The following IQCH variants were observed in gnomAD, a reference collection of about 807,000 sequenced individuals.
The protein encoded by IQCH is IQ domain-containing protein H.
In IQCH, 98 loss-of-function variants were observed where a neutral mutation model predicts 117.0. That is an observed-to-expected ratio of 0.84 (90% CI 0.71 to 0.99). IQCH has a LOEUF of 0.99. IQCH is among the 50% of genes least tolerant of loss of function. The pLI, the probability that IQCH is intolerant of heterozygous loss-of-function variation, is 0.00. For missense variants in IQCH, 1,102 were observed against 1,243.8 expected (o/e 0.89, Z 1.72); for synonymous variants, 412 against 448.2 (o/e 0.92, Z 1.02).
Position 67,475,063 on chromosome 15 carries a change from G to C in IQCH, c.2677-633G>C, listed in dbSNP as rs1216669920. On this transcript the variant is annotated intron_variant, in intron 17 of 20. Coordinates refer to ENST00000335894, the MANE Select transcript of IQCH (RefSeq NM_001031715.3). This position sits in a 1 kb window ranked among gnomAD's most constrained non-coding sequence, Gnocchi z 5.7. ...AAGTCTGTGAAGCCGTCACAGGCCA[G>C]AGAAGCCTAAGGAGATATGACAGCT... Among the ~76,000 whole-genome samples the C allele has an allele frequency of 6.6e-6, 1 of 152,204 alleles. No homozygotes were observed. The highest frequency in any genetic ancestry group is 1.5e-5 in the Non-Finnish European group (1 of 68,030).
chr15:67,417,013 C>T lies in IQCH; in HGVS notation c.2180C>T (p.Pro727Leu), dbSNP rs762689739. ...HAQPVNEKRF[P>L]TWRKFLQTFL... is the part of the protein sequence containing the mutation. ...CAGCCAGTCAATGAGAAACGGTTCC[C>T]GACGTGGAGGAAATTCCTCCAAACA... The change falls in exon 15 of 21, where the codon CCG becomes CTG. Residue 727 changes from proline (P) to leucine (L), a missense_variant. Coordinates refer to ENST00000335894, the MANE Select transcript of IQCH (RefSeq NM_001031715.3). This position sits in a 1 kb window ranked among gnomAD's most constrained non-coding sequence, Gnocchi z 4.3. 1.4e-5 allele frequency: 22 copies of T among 1,610,278 alleles called. No individual in the cohort carries two copies. Among genetic ancestry groups the T allele is most frequent in the Admixed American group, 6.7e-5 (4 of 59,538 alleles).
chr15:67,457,126 G>A lies in IQCH; in HGVS notation c.2506-8001G>A, dbSNP rs2082676624. 6.6e-6 allele frequency among the ~76,000 whole-genome samples: 1 copy of A among 152,176 alleles called. No individual in the cohort carries two copies. The highest frequency in any genetic ancestry group is 1.5e-5 in the Non-Finnish European group (1 of 68,028). On this transcript the variant is annotated intron_variant, in intron 16 of 20. Transcript: ENST00000335894. This position sits in a 1 kb window ranked among gnomAD's most constrained non-coding sequence, Gnocchi z 5.7. ...GGGCTATCCCAACAGCTGCCACCAG[G>A]TGGCAACAAGCCAAGCGGCTGCTCT... is the stretch of plus-strand genomic sequence containing the variant.
chr15:67,338,225 A>ATCTG (rs958189341), intron 5 of IQCH, among the ~76,000 whole-genome samples: 1 of 140,004 alleles, frequency 7.1e-6, no homozygotes, highest in African/African-American at 2.6e-5. Context: ...CTATCTATCT[A>ATCTG]TCTATCTATC....
chr15:67,419,813 GA>G (rs1404627280), intron 15 of IQCH, among the ~76,000 whole-genome samples: 2 of 152,020 alleles, frequency 1.3e-5, no homozygotes, highest in Non-Finnish European at 2.9e-5. Context: ...GCTTTGAGTG[GA>G]AAAAAAGTAA....
At chr15:67,346,072 G>T (rs1291354740) in intron 6 of IQCH, among the ~76,000 whole-genome samples, 1 of 151,886 alleles carries the variant, frequency 6.6e-6, no homozygotes, top group African/African-American at 2.4e-5. Flanking sequence ...GATGGAAAAA[G>T]ATACCATACA....
intron 6 of IQCH, among the ~76,000 whole-genome samples, chr15:67,350,658 C>G (rs1309067919): frequency 6.6e-6 from 1 of 152,128 alleles, no homozygotes; most frequent in Non-Finnish European, 1.5e-5. Flanking sequence ...AATCTCCTGA[C>G]CTCGTGATCC....
chr15:67,315,365 A>G (rs1043959345), intron 4 of IQCH, among the ~76,000 whole-genome samples: 2 of 152,206 alleles, frequency 1.3e-5, no homozygotes, highest in Non-Finnish European at 2.9e-5. Context: ...TACATTTGCC[A>G]AAAGGATATG....
intron 3 of IQCH, among the ~76,000 whole-genome samples, chr15:67,265,705 G>A (rs968409380): frequency 1.3e-5 from 2 of 152,152 alleles, no homozygotes; most frequent in Non-Finnish European, 2.9e-5. Context: ...ACTATGGCCC[G>A]TGACTGACAT....
rs1971158869 is a variant in IQCH, at chr15:67,387,912, T to G, written c.1457-919T>G. On this transcript the variant is annotated intron_variant, in intron 11 of 20. Transcript: ENST00000335894. The surrounding 1 kb of genome is among the most constrained non-coding windows in gnomAD (Gnocchi z 4.8). ...TTGCCCTGCTTGCCTAAGAAAACGT[T>G]TACAGTGCTCCCTCCTCTGAACTTC... 1.3e-5 allele frequency among the ~76,000 whole-genome samples: 2 copies of G among 152,152 alleles called. No homozygotes were observed. Among genetic ancestry groups the G allele is most frequent in the Non-Finnish European group, 2.9e-5 (2 of 68,024 alleles).
Position 67,372,908 on chromosome 15 carries a change from G to GA in IQCH, c.1305+257dup, listed in dbSNP as rs904472319. 3.3e-3 allele frequency among the ~76,000 whole-genome samples: 463 copies of GA among 139,312 alleles called. 8 individuals carry two copies. The highest frequency in any genetic ancestry group is 0.013 in the East Asian group (63 of 4,802). The allele number at this position is 139,312 out of a possible 152,430, so 91.4% of individuals were successfully genotyped here. On this transcript the variant is annotated intron_variant, in intron 9 of 20. Transcript: ENST00000335894. ...CAAAATCTGTTGCAATTTTTCTATA[G>GA]AAAAAAAAAAAGTCCCTTCACTTTG...
chr15:67,373,558 G>C (rs907087581), intron 10 of IQCH, 125 bp downstream of exon 10: 2 of 732,486 alleles, frequency 2.7e-6, no homozygotes. Context: ...AAATGTTCTC[G>C]ACATGATGAG....
chr15:67,487,600 A>G (rs1026783152), intron 18 of IQCH, among the ~76,000 whole-genome samples: 23 of 152,328 alleles, frequency 1.5e-4, no homozygotes, highest in Admixed American at 4.6e-4. Context: ...TTGGGCTCCA[A>G]TATGACTCAG....
rs1462938990 is a variant in IQCH, at chr15:67,441,459, A to G, written c.2505+19882A>G. Among the ~76,000 whole-genome samples, 3 of 152,324 alleles carry G rather than the reference A, an allele frequency of 2.0e-5. No homozygotes were observed. In the South Asian group the frequency reaches 6.2e-4, roughly 32 times the overall value. On this transcript the variant is annotated intron_variant, in intron 16 of 20. Coordinates refer to ENST00000335894, the MANE Select transcript of IQCH (RefSeq NM_001031715.3). ...GGCTAAGCAAAAAGAACAAATCTGGAGGCATCACACTACCTGATTTCAAAC... is the reference window on the plus strand; with the variant it reads ...GGCTAAGCAAAAAGAACAAATCTGGGGGCATCACACTACCTGATTTCAAAC...
intron 8 of IQCH, among the ~76,000 whole-genome samples, chr15:67,371,735 A>G (rs567624614): frequency 2.6e-5 from 4 of 152,360 alleles, no homozygotes; most frequent in Non-Finnish European, 4.4e-5. Flanking sequence ...AGTTGTGATC[A>G]AGGAATCAGC....
At position 67,404,765 on chromosome 15, in the gene IQCH, A is replaced by C. The variant is rs552182244; in HGVS notation, c.2097+4460A>C. 6.6e-6 allele frequency: 1 copy of C among 152,226 alleles called. No individual in the cohort carries two copies. The highest frequency in any genetic ancestry group is 1.5e-5 in the Non-Finnish European group (1 of 68,034). 9.4% of individuals were successfully genotyped at this position (152,226 alleles called of 1,614,324 possible). ...AACAATTCAACTAAGTTGGAAATTT[A>C]GGCTATTCCCAGCTTTCATTTTTTG... On this transcript the variant is annotated intron_variant, in intron 14 of 20. Coordinates refer to ENST00000335894, the MANE Select transcript of IQCH (RefSeq NM_001031715.3). This position sits in a 1 kb window ranked among gnomAD's most constrained non-coding sequence, Gnocchi z 4.6.
In IQCH at chr15:67,336,975, A is replaced by G. The variant is rs373527321; in HGVS notation, c.388A>G (p.Ile130Val). ...CTGAAACAAATTTTTTATTATCTAG[A>G]TAAAGGTTTCGAAGTTAATCAAAGG... Reference protein sequence around the residue: ...SSLPVFPRAKIKVSKLIKGSN... With the variant: ...SSLPVFPRAKVKVSKLIKGSN... Residue 130 changes from isoleucine (I) to valine (V), a missense_variant and splice_region_variant, in exon 5 of 21, where the codon ATA becomes GTA. Around this residue, in one of 2 missense-constraint regions of IQCH, gnomAD observed 452 missense variants for 449.6 expected, o/e 1.01. Transcript: ENST00000335894. The G allele has an allele frequency of 3.0e-5, 49 of 1,613,232 alleles. No individual in the cohort carries two copies. The highest frequency in any genetic ancestry group is 1.1e-5 in the South Asian group (1 of 91,006).
intron 4 of IQCH, chr15:67,282,328 A>T (rs1596093121): frequency 6.6e-6 from 1 of 152,094 alleles, no homozygotes; most frequent in East Asian, 1.9e-4. Context: ...CTATTTTAGA[A>T]TGTATAATTG....
At chr15:67,291,299 GCA>G (rs1966743452) in intron 4 of IQCH, among the ~76,000 whole-genome samples, 1 of 152,114 alleles carries the variant, frequency 6.6e-6, no homozygotes, top group Non-Finnish European at 1.5e-5. Flanking sequence ...TTCCCAAATA[GCA>G]CAATACCTGG....
chr15:67,302,593 T>C (rs1387749359), intron 4 of IQCH, among the ~76,000 whole-genome samples: 1 of 152,224 alleles, frequency 6.6e-6, no homozygotes, highest in Admixed American at 6.5e-5. Context: ...CTACAGTGGC[T>C]CATGCCTGTA....
Sources: gnomAD v4.1 joint callset for allele counts (sites outside exome capture counted in the v4.1 genomes callset) on GRCh38, gnomAD v4.1.1 for gene constraint, gnomAD v4.1.1 regional missense constraint, Gnocchi (gnomAD v3.1) non-coding constraint, MANE v1.5 for transcripts, NCBI Gene and HGNC (gene_info 2026-07-23, HGNC 2026-07-21) for gene names.